G3BP2: variants seen among roughly 807,000 people sequenced by gnomAD.
The protein encoded by G3BP2 is G3BP stress granule assembly factor 2.
G3BP2 carries 11 observed loss-of-function variants against 56.7 expected under a neutral mutation model. The ratio of observed to expected loss-of-function variants is 0.19; its 90% CI spans 0.12 to 0.32. G3BP2 has a LOEUF of 0.32. Ranked by LOEUF, G3BP2 falls within the 10% of genes least tolerant of loss-of-function variation. G3BP2 has a pLI of 1.00. For missense variants in G3BP2, 340 were observed against 610.9 expected, an observed-to-expected ratio of 0.56 and a Z score of 4.67; for synonymous variants, 165 against 191.6, an observed-to-expected ratio of 0.86 and a Z score of 1.15.
chr4:75,684,064 G>A (rs1718463899), intron 3 of G3BP2, among the ~76,000 whole-genome samples: 1 of 152,096 alleles, frequency 6.6e-6, no homozygotes, highest in Admixed American at 6.6e-5. Flanking sequence ...TATTCCTTGG[G>A]TGCCAGAGGG....
intron 1 of G3BP2, among the ~76,000 whole-genome samples, chr4:75,667,288 TAAAA>T (rs33912343): frequency 7.3e-6 from 1 of 137,294 alleles, no homozygotes; most frequent in Non-Finnish European, 1.5e-5. Context: ...AGACACTGTT[TAAAA>T]AAAAAAAAAA....
intron 3 of G3BP2, chr4:75,695,053 T>C (rs1228502497): frequency 1.0e-5 from 4 of 381,920 alleles, no homozygotes; most frequent in African/African-American, 4.4e-5. Context: ...CCACTGTAGA[T>C]AGGAACTCAG....
At chr4:75,654,840 C>T (rs1366979163) in intron 7 of G3BP2, 2 of 503,900 alleles carry the variant, frequency 4.0e-6, no homozygotes, top group African/African-American at 2.0e-5. Context: ...ACAATGCATA[C>T]AGACAAGGAT....
intron 3 of G3BP2, among the ~76,000 whole-genome samples, chr4:75,692,503 G>A (rs921170701): frequency 1.3e-5 from 2 of 151,962 alleles, no homozygotes; most frequent in South Asian, 2.1e-4. Context: ...GTAGAGACGC[G>A]GTTTCACCAT....
intron 3 of G3BP2, among the ~76,000 whole-genome samples, chr4:75,679,303 TAGG>T (rs1420991224): frequency 1.3e-5 from 2 of 152,224 alleles, no homozygotes; most frequent in African/African-American, 4.8e-5. Flanking sequence ...CTCCCATGAG[TAGG>T]ATGAATCCAT....
At chr4:75,694,473 G>A (rs887717308) in intron 3 of G3BP2, among the ~76,000 whole-genome samples, 20 of 152,190 alleles carry the variant, frequency 1.3e-4, no homozygotes, top group Non-Finnish European at 1.8e-4. Context: ...GCGTGGTGGC[G>A]GGCGCCTGTA....
At chr4:75,724,278 G>C (rs1429363737) in exon 1 of G3BP2, 1 of 154,466 alleles carries the variant, frequency 6.5e-6, no homozygotes, top group Admixed American at 6.4e-5. Flanking sequence ...AGCCTTACCT[G>C]TCACGTTGGC....
At chr4:75,693,827 TGG>T (rs1299519818) in intron 3 of G3BP2, among the ~76,000 whole-genome samples, 2 of 148,702 alleles carry the variant, frequency 1.3e-5, no homozygotes, top group Non-Finnish European at 3.0e-5. Context: ...CTCAAACTCC[TGG>T]GCTCACGCAA....
At chr4:75,658,729 A>G (rs1197960862) in intron 3 of G3BP2, 114 bp downstream of exon 3, 7 of 749,138 alleles carry the variant, frequency 9.3e-6, no homozygotes, top group Non-Finnish European at 1.2e-5. Flanking sequence ...CTCCGTCTCA[A>G]AAAAAAAAGA....
intron 8 of G3BP2, among the ~76,000 whole-genome samples, chr4:75,651,940 A>T (rs989047963): frequency 1.3e-5 from 2 of 152,270 alleles, no homozygotes; most frequent in African/African-American, 4.8e-5. Context: ...CCCTGGAATT[A>T]ACTTCCTTTT....
chr4:75,708,141 G>A (rs7665811), intron 3 of G3BP2, among the ~76,000 whole-genome samples: 47,803 of 152,078 alleles, frequency 0.31, 8,884 homozygotes, highest in East Asian at 0.76. Flanking sequence ...GGAACTGTCA[G>A]GGAAGGTGTT....
chr4:75,686,820 C>G (rs189228133), intron 3 of G3BP2, among the ~76,000 whole-genome samples: 1 of 152,092 alleles, frequency 6.6e-6, no homozygotes, highest in South Asian at 2.1e-4. Context: ...CTTAGAATAC[C>G]TATTTCTATG....
chr4:75,720,233 C>T (rs1383930161), intron 3 of G3BP2, among the ~76,000 whole-genome samples: 3 of 151,784 alleles, frequency 2.0e-5, no homozygotes, highest in Non-Finnish European at 2.9e-5. Flanking sequence ...ATTTTGAGGG[C>T]GCCGGGCGCG....
chr4:75,672,963 T>C (rs897679020), intron 1 of G3BP2: 1 of 980,224 alleles, frequency 1.0e-6, no homozygotes, highest in Non-Finnish European at 1.2e-6. Flanking sequence ...CGGAGCCCTC[T>C]GCCCGCAAGA....
intron 8 of G3BP2, among the ~76,000 whole-genome samples, chr4:75,653,686 T>A (rs1223477540): frequency 6.6e-6 from 1 of 151,928 alleles, no homozygotes; most frequent in African/African-American, 2.4e-5. Flanking sequence ...TAAATAGAAT[T>A]TGAAGCTTTT....
chr4:75,723,782 G>C (rs539004818), intron 1 of G3BP2, among the ~76,000 whole-genome samples: 1 of 152,202 alleles, frequency 6.6e-6, no homozygotes, highest in African/African-American at 2.4e-5. Flanking sequence ...TAGCTAACTA[G>C]ACCTGTGCTT....
Position 75,691,755 on chromosome 4 carries a change from A to T in G3BP2, c.-25+29122T>A, listed in dbSNP as rs1428359274. 3.3e-5 allele frequency among the ~76,000 whole-genome samples: 5 copies of T among 152,188 alleles called. No individual in the cohort carries two copies. In the East Asian group the frequency reaches 9.6e-4, roughly 29 times the overall value. On this transcript the variant is annotated intron_variant, in intron 3 of 3. Coordinates refer to the G3BP2 transcript ENST00000499709. ...CCCGAGTCCTACCTCTACAGATTCT[A>T]TTTAATTGGCTGGGGTGCAATATAG...
intron 3 of G3BP2, among the ~76,000 whole-genome samples, chr4:75,715,240 C>T (rs1719889288): frequency 6.6e-6 from 1 of 151,998 alleles, no homozygotes; most frequent in Non-Finnish European, 1.5e-5. Context: ...ATCAATAATT[C>T]AAGAAACCAA....
At chr4:75,672,903 C>A (rs1354081886) in intron 1 of G3BP2, 14 of 636,764 alleles carry the variant, frequency 2.2e-5, no homozygotes, top group Non-Finnish European at 2.7e-5. Context: ...GTGCCTCCCC[C>A]CCCACTTCGC....
Sources: allele counts gnomAD v4.1 joint callset (sites outside exome capture counted in the v4.1 genomes callset), GRCh38; gene constraint gnomAD v4.1.1; transcripts MANE v1.5; gene names NCBI Gene and HGNC (gene_info 2026-07-23, HGNC 2026-07-21).